RAPGEF2: variants seen among roughly 807,000 people sequenced by gnomAD.
RAPGEF2 encodes PDZ domain containing guanine nucleotide exchange factor (GEF) 1.
A neutral mutation model predicts 186.7 loss-of-function variants in RAPGEF2; 54 were observed. The ratio of observed to expected loss-of-function variants is 0.29; its 90% CI spans 0.23 to 0.36. The LOEUF (loss-of-function observed/expected upper bound fraction) is 0.36, where lower values mean the gene tolerates loss of function less well. RAPGEF2 is among the 10% of genes least tolerant of loss of function. RAPGEF2 has a pLI of 1.00. For missense variants in RAPGEF2, 1,532 were observed against 2,045.0 expected (o/e 0.75, Z 4.84); for synonymous variants, 712 against 705.9 (o/e 1.01, Z -0.14).
chr4:159,121,567 C>T (rs1165337909), intron 1 of RAPGEF2, among the ~76,000 whole-genome samples: 2 of 151,986 alleles, frequency 1.3e-5, no homozygotes, highest in Non-Finnish European at 2.9e-5. Flanking sequence ...TGGGATCTCA[C>T]TGTGTTGTCC....
chr4:159,230,070 A>G (rs1752467652), intron 4 of RAPGEF2, among the ~76,000 whole-genome samples: 1 of 152,214 alleles, frequency 6.6e-6, no homozygotes, highest in African/African-American at 2.4e-5. Flanking sequence ...GTATTTATAC[A>G]GAACAATTTA....
chr4:159,267,193 G>C, intron 7 of RAPGEF2: 1 of 1,288,264 alleles, frequency 7.8e-7, no homozygotes, highest in African/African-American at 1.5e-5. Context: ...GCAGGAAGCA[G>C]CAATGCCGTT....
chr4:159,312,387 A>G (rs183185575), intron 8 of RAPGEF2, among the ~76,000 whole-genome samples: 2 of 152,234 alleles, frequency 1.3e-5, no homozygotes, highest in African/African-American at 2.4e-5. Flanking sequence ...AGCAAATTGT[A>G]TTTCTAGACT....
intron 1 of RAPGEF2, among the ~76,000 whole-genome samples, chr4:159,148,147 A>G (rs2347945): frequency 0.63 from 95,728 of 151,990 alleles, 30,992 homozygotes; most frequent in African/African-American, 0.79. Context: ...ATCTATATCA[A>G]AAATTATTAC....
In RAPGEF2 at chr4:159,304,427, G is replaced by T; in HGVS notation, c.629G>T (p.Ser210Ile). Reference sequence around the variant, plus strand: ...GTTTCTTCTAGCCATTCAGGATGTAGTATCACTAGTGATTCTGGGAGCAGC... The same window carrying T: ...GTTTCTTCTAGCCATTCAGGATGTATTATCACTAGTGATTCTGGGAGCAGC... ...THVSSSHSGC[S>I]ITSDSGSSSL... is the part of the protein sequence containing the mutation. The change falls in exon 8 of 30, where the codon AGT becomes ATT. Residue 210 changes from serine (S) to isoleucine (I), a missense_variant. This residue lies in a region of RAPGEF2 where 810 missense variants were observed against 1,210.5 expected (regional missense o/e 0.67). Transcript: ENST00000691494. The T allele has an allele frequency of 6.2e-7, 1 of 1,603,482 alleles. No homozygotes were observed. Among genetic ancestry groups the T allele is most frequent in the Non-Finnish European group, 8.5e-7 (1 of 1,170,746 alleles).
chr4:159,307,300 T>G (rs1455117548), intron 8 of RAPGEF2, among the ~76,000 whole-genome samples: 3 of 152,182 alleles, frequency 2.0e-5, no homozygotes, highest in Admixed American at 2.0e-4. Context: ...ACATATTCAT[T>G]TAGGTCCTAA....
Position 159,182,022 on chromosome 4 carries a change from C to G in RAPGEF2, c.70-4620C>G, listed in dbSNP as rs1444633726. Among the ~76,000 whole-genome samples the G allele has an allele frequency of 2.0e-5, 3 of 152,098 alleles. No homozygotes were observed. In the East Asian group the frequency reaches 5.8e-4, roughly 29 times the overall value. On this transcript the variant is annotated intron_variant, in intron 1 of 29. Transcript: ENST00000691494. The stretch of plus-strand genomic sequence containing the variant: ...TTATGATTGGAGCCTGATTGCTTTT[C>G]TAAAGGAGGGGTTTATTAGATTTAG...
intron 4 of RAPGEF2, among the ~76,000 whole-genome samples, chr4:159,235,269 T>C (rs1753124856): frequency 6.6e-6 from 1 of 152,276 alleles, no homozygotes; most frequent in African/African-American, 2.4e-5. Flanking sequence ...TTTCAAAGTT[T>C]GTCTTTGTTT....
intron 4 of RAPGEF2, among the ~76,000 whole-genome samples, chr4:159,234,873 C>A (rs1753062316): frequency 6.6e-6 from 1 of 152,178 alleles, no homozygotes; most frequent in African/African-American, 2.4e-5. Context: ...GATTCTCCTA[C>A]CTCAGCCTCC....
chr4:159,133,381 A>G (rs1299371392), intron 1 of RAPGEF2, among the ~76,000 whole-genome samples: 3 of 151,144 alleles, frequency 2.0e-5, no homozygotes, highest in Admixed American at 6.6e-5. Context: ...TGTAATATAT[A>G]TGGTAAGATT....
At chr4:159,116,936 C>T (rs920737610) in intron 1 of RAPGEF2, among the ~76,000 whole-genome samples, 1 of 152,148 alleles carries the variant, frequency 6.6e-6, no homozygotes, top group Non-Finnish European at 1.5e-5. Flanking sequence ...GGCTTAATAA[C>T]TAGGTGATGG....
intron 1 of RAPGEF2, among the ~76,000 whole-genome samples, chr4:159,176,217 T>C (rs1253154777): frequency 2.0e-5 from 3 of 152,078 alleles, no homozygotes; most frequent in Non-Finnish European, 4.4e-5. Context: ...TTGTTGGTGT[T>C]TGGGTTTCAT....
At position 159,118,875 on chromosome 4, in the gene RAPGEF2, G is replaced by A. The variant is rs974599144; in HGVS notation, c.69+14644G>A. Among the ~76,000 whole-genome samples the A allele has an allele frequency of 7.9e-5, 12 of 152,254 alleles. No homozygotes were observed. In the South Asian group the frequency reaches 8.3e-4, roughly 11 times the overall value. ...GCTGGTATTACAGGCATGAGCCACC[G>A]CGCCCGGCCCTATTAAAGTTCTTAA... On this transcript the variant is annotated intron_variant, in intron 1 of 29. Transcript: ENST00000691494.
In RAPGEF2 at chr4:159,118,662, C is replaced by T. The variant is rs994174542; in HGVS notation, c.69+14431C>T. On this transcript the variant is annotated intron_variant, in intron 1 of 29. Coordinates refer to ENST00000691494, the MANE Select transcript of RAPGEF2 (RefSeq NM_001394067.2). Reference sequence around the variant, plus strand: ...GTGCAATGGTGCGATCTCAGCTCACCGCAACCTCCGCCTCCCGGGTTCAAG... The same window carrying T: ...GTGCAATGGTGCGATCTCAGCTCACTGCAACCTCCGCCTCCCGGGTTCAAG... Among the ~76,000 whole-genome samples, 6 of 152,010 alleles carry T rather than the reference C, an allele frequency of 3.9e-5. No homozygotes were observed. In the South Asian group the frequency reaches 6.2e-4, roughly 16 times the overall value.
At chr4:159,264,869 A>G (rs1047402515) in intron 7 of RAPGEF2, among the ~76,000 whole-genome samples, 4 of 152,014 alleles carry the variant, frequency 2.6e-5, no homozygotes, top group Non-Finnish European at 5.9e-5. Context: ...TCCTTTTGTG[A>G]CTGTCTTATT....
At chr4:159,104,553 A>AGAGAGGGAGAGAGTGT in intron 1 of RAPGEF2, among the ~76,000 whole-genome samples, 1 of 136,120 alleles carries the variant, frequency 7.3e-6, no homozygotes, top group African/African-American at 2.9e-5. Context: ...AGAGAGAGAG[A>AGAGAGGGAGAGAGTGT]GTGTGTGTGT....
Position 159,344,463 on chromosome 4 carries a change from A to G in RAPGEF2, c.3278+404A>G, listed in dbSNP as rs76141972. Among the ~76,000 whole-genome samples the G allele has an allele frequency of 1.1e-3, 173 of 152,354 alleles. 3 individuals are homozygous for G. In the East Asian group the frequency reaches 0.031, roughly 28 times the overall value. On this transcript the variant is annotated intron_variant, in intron 23 of 29. Transcript: ENST00000691494. Reference sequence around the variant, plus strand: ...GTGAGAAATAAATATATTTAATATAAAATAGGTGCCCCCAGGTGTTAAACC... The same window carrying G: ...GTGAGAAATAAATATATTTAATATAGAATAGGTGCCCCCAGGTGTTAAACC...
Position 159,104,518 on chromosome 4 carries a change from GAGAGAGAGGGAGAGAC to G in RAPGEF2, c.69+296_69+311del, listed in dbSNP as rs1302690645. Among the ~76,000 whole-genome samples, 1,008 of 130,216 alleles carry G rather than the reference GAGAGAGAGGGAGAGAC, an allele frequency of 7.7e-3. 19 individuals are homozygous for G. The highest frequency in any genetic ancestry group is 0.014 in the Middle Eastern group (4 of 278). The allele number at this position is 130,216 out of a possible 152,430, so 85.4% of individuals were successfully genotyped here. On this transcript the variant is annotated intron_variant, in intron 1 of 29. Transcript: ENST00000691494. ...AGAGAGAGAGAGAGAGAGAGAGAGA[GAGAGAGAGGGAGAGAC>G]AGAGAGAGAGAGAGAGAGAGTGTGT... is the stretch of plus-strand genomic sequence containing the variant.
At chr4:159,209,941 G>A (rs1162705309) in intron 3 of RAPGEF2, among the ~76,000 whole-genome samples, 1 of 152,150 alleles carries the variant, frequency 6.6e-6, no homozygotes, top group Admixed American at 6.5e-5. Flanking sequence ...ACTCAAGAAA[G>A]CTATCTTTTG....
Sources: gnomAD v4.1 joint callset for allele counts (sites outside exome capture counted in the v4.1 genomes callset) on GRCh38, gnomAD v4.1.1 for gene constraint, gnomAD v4.1.1 regional missense constraint, MANE v1.5 for transcripts, NCBI Gene and HGNC (gene_info 2026-07-23, HGNC 2026-07-21) for gene names.